The following GSR variants were observed in gnomAD, a reference collection of about 807,000 sequenced individuals.
The protein encoded by GSR is glutathione-disulfide reductase.
Under a neutral mutation model 56.5 loss-of-function variants are expected in GSR, and 48 were observed. That is an observed-to-expected ratio of 0.85 (90% confidence interval 0.67 to 1.08). The LOEUF is 1.08. GSR is among the 50% of genes least tolerant of loss of function. The probability of loss-of-function intolerance (pLI) is 0.00; values close to 1 mark genes in which losing one functional copy is unlikely to be tolerated. For missense variants in GSR, 694 were observed against 703.3 expected (o/e 0.99, Z 0.15); for synonymous variants, 264 against 270.8 (o/e 0.97, Z 0.25).
intron 2 of GSR, among the ~76,000 whole-genome samples, chr8:30,711,538 T>C (rs564769965): frequency 6.6e-6 from 1 of 152,192 alleles, no homozygotes; most frequent in African/African-American, 2.4e-5. Flanking sequence ...GTGGTGTAGA[T>C]GACCAGGCCT....
chr8:30,689,746 GTATA>G (rs35206861), intron 8 of GSR, among the ~76,000 whole-genome samples: 18 of 138,558 alleles, frequency 1.3e-4, no homozygotes, highest in Non-Finnish European at 1.4e-4. Context: ...GTGTGTGTGT[GTATA>G]TATATATATA....
At chr8:30,709,420 G>A (rs182711649) in intron 3 of GSR, among the ~76,000 whole-genome samples, 48 of 152,234 alleles carry the variant, frequency 3.2e-4, no homozygotes, top group Middle Eastern at 3.4e-3. Flanking sequence ...TGGACAAACC[G>A]TGAAAACAAA....
Position 30,707,194 on chromosome 8 carries a change from A to G in GSR, c.492+878T>C, listed in dbSNP as rs1803947963. ...GATAGCACTCCTCATTTTAATTAAT[A>G]AACTGGTATACTGGTGCACAAAGTC... On this transcript the variant is annotated intron_variant, in intron 4 of 12. Coordinates refer to ENST00000221130, the MANE Select transcript of GSR (RefSeq NM_000637.5). The G allele has an allele frequency of 2.0e-5, 3 of 152,204 alleles. No homozygotes were observed. In the South Asian group the frequency reaches 6.2e-4, roughly 32 times the overall value. 9.4% of individuals were successfully genotyped at this position (152,204 alleles called of 1,614,324 possible).
At chr8:30,716,625 A>T (rs1804341552) in intron 1 of GSR, among the ~76,000 whole-genome samples, 1 of 151,954 alleles carries the variant, frequency 6.6e-6, no homozygotes, top group African/African-American at 2.4e-5. Context: ...CTGGGCAACA[A>T]GGTGAAACAC....
At chr8:30,686,457 G>A (rs777414941) in intron 9 of GSR, among the ~76,000 whole-genome samples, 5 of 152,020 alleles carry the variant, frequency 3.3e-5, no homozygotes, top group African/African-American at 4.8e-5. Flanking sequence ...AAGCTGAGGT[G>A]GAAGGATCGC....
Position 30,680,915 on chromosome 8 carries a change from T to A in GSR, c.1408A>T (p.Lys470Ter). The change falls in exon 12 of 13, where the codon AAG (lysine) becomes TAG (stop). Residue 470 changes from lysine (K) to a stop codon, truncating the protein, a stop_gained. Coordinates refer to ENST00000221130, the MANE Select transcript of GSR (RefSeq NM_000637.5). LOFTEE classifies it high-confidence loss of function. Reference protein sequence around the residue: ...KCVMKMVCANKEEKVVGIHMQ... With the variant: ...KCVMKMVCAN The stretch of plus-strand genomic sequence containing the variant: ...GGATTTTTCCTTACCTTTTCTTCCT[T>A]GTTAGCACAGACCATTTTCATCACA... The A allele has an allele frequency of 6.2e-7, 1 of 1,613,830 alleles. No individual in the cohort carries two copies. The highest frequency in any genetic ancestry group is 2.2e-5 in the East Asian group (1 of 44,882).
rs1803274719 is a variant in GSR, at chr8:30,689,203, A to G, written c.999T>C (p.Ile333=). Residue 333 remains isoleucine (I), a synonymous_variant, in exon 9 of 13, where the codon ATT becomes ATC. Coordinates refer to ENST00000221130, the MANE Select transcript of GSR (RefSeq NM_000637.5). ...GGTCCTTGGTATTCGGGACCCGCCC[A>G]ATGGCCCAGAGCAGGCAGTCAACAT... is the stretch of plus-strand genomic sequence containing the variant. ...IPDVDCLLWA[I]GRVPNTKDLS... is the part of the protein sequence containing the mutation. 1.2e-6 allele frequency: 2 copies of G among 1,613,956 alleles called. No homozygotes were observed. The highest frequency in any genetic ancestry group is 1.7e-5 in the Admixed American group (1 of 59,994).
chr8:30,712,038 G>A (rs758463149), intron 2 of GSR, 24 bp downstream of exon 2: 5 of 1,221,772 alleles, frequency 4.1e-6, no homozygotes, highest in Non-Finnish European at 6.0e-6. Flanking sequence ...GGATTGTAAA[G>A]GGAAAGAGAA....
intron 9 of GSR, among the ~76,000 whole-genome samples, chr8:30,684,887 T>C (rs1319866834): frequency 6.6e-6 from 1 of 152,112 alleles, no homozygotes; most frequent in Non-Finnish European, 1.5e-5. Context: ...TAGCTAGAAC[T>C]AGAGGCATGT....
At chr8:30,704,082 T>C (rs1469931115) in intron 4 of GSR, among the ~76,000 whole-genome samples, 1 of 151,956 alleles carries the variant, frequency 6.6e-6, no homozygotes, top group Non-Finnish European at 1.5e-5. Flanking sequence ...TCCAGCACTT[T>C]GGAAGGCCGA....
At position 30,709,907 on chromosome 8, in the gene GSR, A is replaced by C; in HGVS notation, c.334-5T>G. On this transcript the variant is annotated splice_region_variant and splice_polypyrimidine_tract_variant and intron_variant, in intron 2 of 12. Coordinates refer to ENST00000221130, the MANE Select transcript of GSR (RefSeq NM_000637.5). The stretch of plus-strand genomic sequence containing the variant: ...GACAGCTGTGTTCCACATTACCTGT[A>C]AAAAAAAAAAAAAAAAAGGATCCAA... 5.4e-6 allele frequency: 1 copy of C among 183,994 alleles called. No individual in the cohort carries two copies. The highest frequency in any genetic ancestry group is 9.6e-6 in the Non-Finnish European group (1 of 103,726). The allele number at this position is 183,994 out of a possible 1,614,324, so 11.4% of individuals were successfully genotyped here. A position where few individuals can be genotyped will look rare whatever the true frequency, so the allele number is the denominator to read the frequency against.
At chr8:30,725,966 A>T (rs1382063426) in intron 1 of GSR, among the ~76,000 whole-genome samples, 1 of 152,026 alleles carries the variant, frequency 6.6e-6, no homozygotes. Flanking sequence ...GTAGAGAAAG[A>T]GGAAGACAGA....
intron 10 of GSR, among the ~76,000 whole-genome samples, 153 bp from the exon 11 acceptor site, chr8:30,682,214 G>A (rs1228506970): frequency 2.6e-5 from 4 of 152,122 alleles, no homozygotes; most frequent in African/African-American, 4.8e-5. Flanking sequence ...TTAATACAGC[G>A]AAGATATGTC....
At chr8:30,699,714 G>C (rs1332723606) in intron 6 of GSR, among the ~76,000 whole-genome samples, 1 of 151,738 alleles carries the variant, frequency 6.6e-6, no homozygotes, top group Non-Finnish European at 1.5e-5. Flanking sequence ...AAAGTGCTAG[G>C]ATTACAGCCA....
At chr8:30,711,286 G>A (rs1230080328) in intron 2 of GSR, among the ~76,000 whole-genome samples, 3 of 152,168 alleles carry the variant, frequency 2.0e-5, no homozygotes, top group Non-Finnish European at 2.9e-5. Context: ...ACATTCAAAT[G>A]AGTGGTAAAA....
chr8:30,727,073 T>C lies in GSR; in HGVS notation c.306+457A>G, dbSNP rs150045038. 304 of 156,374 alleles carry C rather than the reference T, an allele frequency of 1.9e-3. 4 individuals carry two copies. Among genetic ancestry groups the C allele is most frequent in the African/African-American group, 6.8e-3 (283 of 41,686 alleles). The allele number at this position is 156,374 out of a possible 1,614,324, so 9.7% of individuals were successfully genotyped here. The stretch of plus-strand genomic sequence containing the variant: ...TGTAGCCAAGGTTGACAACAACCGC[T>C]ATAAATCATTCTGCCCTTGAAACGG... On this transcript the variant is annotated intron_variant, in intron 1 of 12. Coordinates refer to ENST00000221130, the MANE Select transcript of GSR (RefSeq NM_000637.5).
intron 8 of GSR, among the ~76,000 whole-genome samples, chr8:30,691,605 T>C (rs1803379717): frequency 6.6e-6 from 1 of 150,452 alleles, no homozygotes; most frequent in Admixed American, 6.7e-5. Flanking sequence ...CCCTTGAATC[T>C]AGGAGGCAGA....
chr8:30,708,218 A>G, intron 3 of GSR, 77 bp from the exon 4 acceptor site: 2 of 1,022,214 alleles, frequency 2.0e-6, no homozygotes, highest in East Asian at 4.7e-5. Context: ...CTGTCCCTGA[A>G]CACCCCGAGC....
In GSR at chr8:30,723,813, CACACA is replaced by C. The variant is rs1400787849; in HGVS notation, c.306+3712_306+3716del. On this transcript the variant is annotated intron_variant, in intron 1 of 12. Transcript: ENST00000221130. ...ACACACACACACACACACACACACA[CACACA>C]CCCAGGTCTGCTGGGACCTAGTACA... 1.9e-3 allele frequency among the ~76,000 whole-genome samples: 36 copies of C among 19,380 alleles called. No homozygotes were observed. In the Non-Finnish European group the frequency reaches 0.052, roughly 28 times the overall value. 12.7% of individuals were successfully genotyped at this position (19,380 alleles called of 152,430 possible).
Sources: gnomAD v4.1 joint callset for allele counts (sites outside exome capture counted in the v4.1 genomes callset) on GRCh38, gnomAD v4.1.1 for gene constraint, MANE v1.5 for transcripts, NCBI Gene and HGNC (gene_info 2026-07-23, HGNC 2026-07-21) for gene names.